The following CHD7 variants were observed in gnomAD, a reference collection of about 807,000 sequenced individuals.
CHD7 encodes chromodomain helicase DNA binding protein 7.
Under a neutral mutation model 307.3 loss-of-function variants are expected in CHD7, and 24 were observed. The observed-to-expected ratio is 0.08, with a 90% CI of 0.06 to 0.11. The LOEUF (loss-of-function observed/expected upper bound fraction) is 0.11, where lower values mean the gene tolerates loss of function less well. Ranked by LOEUF, CHD7 falls within the 10% of genes least tolerant of loss-of-function variation. The pLI is 1.00. For synonymous variants in CHD7, 1,363 were observed against 1,349.9 expected (o/e 1.01, Z -0.21); for missense variants, 3,106 against 3,727.1 (o/e 0.83, Z 4.34).
In CHD7 at chr8:60,821,916, A is replaced by G. The variant is rs370194460; in HGVS notation, c.2824A>G (p.Thr942Ala). 73 of 1,613,130 alleles carry G rather than the reference A, an allele frequency of 4.5e-5. 1 individual carries two copies. In the East Asian group the frequency reaches 1.6e-3, roughly 35 times the overall value. Reference sequence around the variant, plus strand: ...GAAACTAATGTCCAGGGAGCCGGAAACAGAGCGTGTGGTAAGAATTGGCTG... The same window carrying G: ...GAAACTAATGTCCAGGGAGCCGGAAGCAGAGCGTGTGGTAAGAATTGGCTG... The part of the protein sequence containing the change: ...FEKLMSREPE[T>A]ERVERPPADD... Residue 942 changes from threonine to alanine, a missense_variant, in exon 10 of 38, where the codon ACA (threonine) becomes GCA (alanine). Physicochemically the swap from Thr to Ala is moderately conservative, Grantham distance 58 (BLOSUM62 0). Coordinates refer to ENST00000423902, the MANE Select transcript of CHD7 (RefSeq NM_017780.4).
chr8:60,822,015 T>A lies in CHD7; in HGVS notation c.2836-9T>A. 3 of 1,613,746 alleles carry A rather than the reference T, an allele frequency of 1.9e-6. No homozygotes were observed. The highest frequency in any genetic ancestry group is 2.5e-6 in the Non-Finnish European group (3 of 1,179,762). On this transcript the variant is annotated splice_polypyrimidine_tract_variant and intron_variant, in intron 10 of 37. Transcript: ENST00000423902. ...AAACCACTAATGGGATTTACTATAT[T>A]TGAAACAGGAGCGACCTCCTGCTGA...
Position 60,698,322 on chromosome 8 carries a change from G to A in CHD7, c.-175+19240G>A, listed in dbSNP as rs1806589158. Among the ~76,000 whole-genome samples the A allele has an allele frequency of 2.0e-5, 3 of 152,154 alleles. No homozygotes were observed. The South Asian group carries it at 6.2e-4, about 32-fold the overall frequency. On this transcript the variant is annotated intron_variant, in intron 1 of 37. Transcript: ENST00000423902. ...AGGATTTTTGCGTCAGTTAGGGTGA[G>A]GCCAATACAGGAAGAATATAGGGTA...
chr8:60,695,590 T>C (rs569159201), intron 1 of CHD7, among the ~76,000 whole-genome samples: 1 of 152,344 alleles, frequency 6.6e-6, no homozygotes, highest in African/African-American at 2.4e-5. Context: ...GCAACTCTAA[T>C]ACTTGTGTAT....
chr8:60,806,435 G>T (rs1812540536), intron 6 of CHD7, among the ~76,000 whole-genome samples: 1 of 152,130 alleles, frequency 6.6e-6, no homozygotes, highest in South Asian at 2.1e-4. Context: ...TGGATGGATG[G>T]CCACTTGAAC....
intron 13 of CHD7, chr8:60,824,775 CA>C (rs1804191824): frequency 6.6e-6 from 1 of 152,130 alleles, no homozygotes; most frequent in Non-Finnish European, 1.5e-5. Flanking sequence ...AAGAGATGAT[CA>C]GGTCTTCCTG....
At chr8:60,750,397 C>G (rs551191887) in intron 2 of CHD7, among the ~76,000 whole-genome samples, 1 of 152,104 alleles carries the variant, frequency 6.6e-6, no homozygotes, top group Admixed American at 6.5e-5. Context: ...CAACCTCCAC[C>G]GAGGTGGAAA....
chr8:60,859,744 G>A (rs1805879843), intron 34 of CHD7, among the ~76,000 whole-genome samples: 1 of 152,248 alleles, frequency 6.6e-6, no homozygotes, highest in African/African-American at 2.4e-5. Context: ...TGCTGAGGAA[G>A]TGAGCTTCAG....
At chr8:60,682,822 A>G (rs1413689346) in intron 1 of CHD7, among the ~76,000 whole-genome samples, 1 of 152,240 alleles carries the variant, frequency 6.6e-6, no homozygotes, top group East Asian at 1.9e-4. Context: ...AACATCGAAT[A>G]TAAATGTGGC....
At chr8:60,712,404 G>C (rs1451677985) in intron 1 of CHD7, among the ~76,000 whole-genome samples, 1 of 152,162 alleles carries the variant, frequency 6.6e-6, no homozygotes, top group Non-Finnish European at 1.5e-5. Flanking sequence ...TGAGGACTCT[G>C]AGATGCTTCA....
intron 2 of CHD7, among the ~76,000 whole-genome samples, chr8:60,752,022 A>G (rs1809664858): frequency 6.6e-6 from 1 of 152,204 alleles, no homozygotes; most frequent in African/African-American, 2.4e-5. Flanking sequence ...TTTAATATTA[A>G]TGAAGACTAT....
chr8:60,817,986 T>G (rs2150741588), intron 8 of CHD7, among the ~76,000 whole-genome samples: 1 of 152,354 alleles, frequency 6.6e-6, no homozygotes, highest in South Asian at 2.1e-4. Context: ...TTTAGGAAAT[T>G]GTGCCTAGCC....
chr8:60,714,957 A>AG (rs1375338616), intron 1 of CHD7, among the ~76,000 whole-genome samples: 6 of 152,336 alleles, frequency 3.9e-5, no homozygotes, highest in African/African-American at 1.4e-4. Flanking sequence ...CATAGTGGGG[A>AG]GGGGCAGGAG....
intron 3 of CHD7, among the ~76,000 whole-genome samples, chr8:60,786,016 G>A (rs1265935119): frequency 6.6e-6 from 1 of 152,090 alleles, no homozygotes; most frequent in Non-Finnish European, 1.5e-5. Context: ...TTCAGTGTTG[G>A]TGCCCATGGA....
chr8:60,795,182 G>C, intron 4 of CHD7, 55 bp downstream of exon 4: 2 of 1,562,310 alleles, frequency 1.3e-6, no homozygotes, highest in Non-Finnish European at 8.8e-7. Context: ...GGTAACTTTA[G>C]CCATGTATGA....
chr8:60,837,091 C>A, intron 17 of CHD7, 79 bp downstream of exon 17: 2 of 1,151,796 alleles, frequency 1.7e-6, no homozygotes, highest in Admixed American at 2.3e-5. Flanking sequence ...CAGTCAGACC[C>A]ATAAATTAAT....
At chr8:60,767,727 G>A (rs567970830) in intron 2 of CHD7, among the ~76,000 whole-genome samples, 4 of 152,308 alleles carry the variant, frequency 2.6e-5, no homozygotes, top group Admixed American at 6.5e-5. Flanking sequence ...CTGAGTGACT[G>A]CTGGTTCTTG....
At position 60,838,069 on chromosome 8, in the gene CHD7, A is replaced by G. The variant is rs778196351; in HGVS notation, c.4354-7A>G. ...TTTTGAGTATTTTAAATATTTCTCT[A>G]AAACAGGTACAACAGCTTTCCAAGA... On this transcript the variant is annotated splice_polypyrimidine_tract_variant and splice_region_variant and intron_variant, in intron 18 of 37. Transcript: ENST00000423902. The G allele has an allele frequency of 1.3e-5, 19 of 1,482,444 alleles. No homozygotes were observed. The highest frequency in any genetic ancestry group is 1.4e-5 in the Non-Finnish European group (16 of 1,115,584). The allele number at this position is 1,482,444 out of a possible 1,614,324, so 91.8% of individuals were successfully genotyped here.
rs1326336937 is a variant in CHD7, at chr8:60,837,518, G to C, written c.4186-150G>C. 6.4e-6 allele frequency: 4 copies of C among 620,376 alleles called. No individual in the cohort carries two copies. In the African/African-American group the frequency reaches 7.4e-5, roughly 12 times the overall value. 38.4% of individuals were successfully genotyped at this position (620,376 alleles called of 1,614,324 possible). A position where few individuals can be genotyped will look rare whatever the true frequency, so the allele number is the denominator to read the frequency against. On this transcript the variant is annotated intron_variant, in intron 17 of 37. Coordinates refer to ENST00000423902, the MANE Select transcript of CHD7 (RefSeq NM_017780.4). ...TTATATGAGCAGTAATCCTGTTCGT[G>C]AGGACTCCACCTTCATGACCTAATT...
chr8:60,700,821 C>T (rs1443008533), intron 1 of CHD7, among the ~76,000 whole-genome samples: 3 of 152,156 alleles, frequency 2.0e-5, no homozygotes, highest in South Asian at 2.1e-4. Flanking sequence ...GGCCCAGTGC[C>T]GGACACACAC....
Sources: allele counts gnomAD v4.1 joint callset (sites outside exome capture counted in the v4.1 genomes callset), GRCh38; gene constraint gnomAD v4.1.1; transcripts MANE v1.5; gene names NCBI Gene and HGNC (gene_info 2026-07-23, HGNC 2026-07-21).